SDAD1: variants seen among roughly 807,000 people sequenced by gnomAD.
SDAD1 encodes SDA1 domain containing 1.
Under a neutral mutation model 100.3 loss-of-function variants are expected in SDAD1, and 79 were observed. The observed-to-expected ratio is 0.79, with a 90% CI of 0.66 to 0.95. The LOEUF is 0.95. Ranked by LOEUF, SDAD1 falls within the 40% of genes least tolerant of loss-of-function variation. The pLI is 0.00. For missense variants in SDAD1, 790 were observed against 810.9 expected, an observed-to-expected ratio of 0.97 and a Z score of 0.31; for synonymous variants, 267 against 271.4, an observed-to-expected ratio of 0.98 and a Z score of 0.16.
intron 16 of SDAD1, among the ~76,000 whole-genome samples, chr4:75,960,481 G>C (rs1443106332): frequency 1.3e-5 from 2 of 152,156 alleles, no homozygotes; most frequent in Non-Finnish European, 2.9e-5. Context: ...TATAAAAAAT[G>C]CTGGTAACCA....
chr4:75,961,348 C>A (rs769315728), intron 14 of SDAD1, 40 bp from the exon 15 acceptor site: 3 of 1,433,134 alleles, frequency 2.1e-6, no homozygotes, highest in Non-Finnish European at 2.9e-6. Flanking sequence ...GCCCGAATAG[C>A]AATTTTTTCA....
At chr4:75,966,009 C>A (rs943904960) in intron 12 of SDAD1, among the ~76,000 whole-genome samples, 187 bp from the exon 13 acceptor site, 10 of 152,044 alleles carry the variant, frequency 6.6e-5, no homozygotes, top group African/African-American at 2.4e-4. Context: ...CAATAGCTGC[C>A]TTATCAAAAA....
chr4:75,959,115 A>C (rs4859576), intron 17 of SDAD1, among the ~76,000 whole-genome samples: 24,781 of 137,828 alleles, frequency 0.18, 3,116 homozygotes, highest in East Asian at 0.34. Context: ...AAAAAAAAAA[A>C]AAAAAAAAAA....
Position 75,965,788 on chromosome 4 carries a change from T to A in SDAD1, c.1080A>T (p.Ala360=). The A allele has an allele frequency of 2.5e-6, 4 of 1,613,874 alleles. No individual in the cohort carries two copies. Among genetic ancestry groups the A allele is most frequent in the Non-Finnish European group, 3.4e-6 (4 of 1,179,864 alleles). Residue 360 remains alanine (A), a synonymous_variant, in exon 13 of 22, where the codon GCA becomes GCT. Coordinates refer to ENST00000356260, the MANE Select transcript of SDAD1 (RefSeq NM_018115.4). ...CCTCTGGGGGTACTAGGTGATGAGA[T>A]GCTTGTGCAGCAAACAGAAGGATCT... The part of the protein sequence containing the change: ...VTKILLFAAQ[A]SHHLVPPEII...
chr4:75,990,758 G>C lies in SDAD1; in HGVS notation c.84C>G (p.Ile28Met), dbSNP rs1314455737. The change falls in exon 1 of 22, where the codon ATC becomes ATG. Residue 28 changes from isoleucine (I) to methionine (M), a missense_variant. Ile to Met is a conservative substitution (Grantham distance 10). Coordinates refer to ENST00000356260, the MANE Select transcript of SDAD1 (RefSeq NM_018115.4). The part of the protein sequence containing the change: ...NLIKRDPPAY[I>M]EEFLQQYNHY... ...TGCCGCGCCGCACTCCCACCTCCTCGATGTAGGCCGGCGGGTCTCGCTTGA... is the reference window on the plus strand; with the variant it reads ...TGCCGCGCCGCACTCCCACCTCCTCCATGTAGGCCGGCGGGTCTCGCTTGA... 3 of 1,614,010 alleles carry C rather than the reference G, an allele frequency of 1.9e-6. No homozygotes were observed. The highest frequency in any genetic ancestry group is 2.2e-5 in the South Asian group (2 of 91,086).
intron 21 of SDAD1, among the ~76,000 whole-genome samples, chr4:75,951,954 C>T (rs1016228413): frequency 3.9e-5 from 6 of 152,198 alleles, no homozygotes; most frequent in Admixed American, 1.3e-4. Flanking sequence ...AAAACAGTTT[C>T]GGGGTAGAAG....
intron 14 of SDAD1, 103 bp from the exon 15 acceptor site, chr4:75,961,411 T>C: frequency 1.2e-6 from 1 of 828,888 alleles, no homozygotes. Flanking sequence ...GGAAAACACG[T>C]TGAGTTTTAT....
At chr4:75,974,417 A>C (rs1414072404) in intron 6 of SDAD1, among the ~76,000 whole-genome samples, 1 of 152,028 alleles carries the variant, frequency 6.6e-6, no homozygotes, top group Non-Finnish European at 1.5e-5. Flanking sequence ...AAAAAAAAAA[A>C]AAACAACAAC....
In SDAD1 at chr4:75,970,370, T is replaced by C. The variant is rs140798592; in HGVS notation, c.822A>G (p.Lys274=). The stretch of plus-strand genomic sequence containing the variant: ...TAAACACCTCTGGTTTTTTCTTCTT[T>C]TTTTGTTTCTGAAAGGGAGAGGAAA... The part of the protein sequence containing the change: ...EKAMKVLKKQ[K]KKKKPEVFNF... Residue 274 remains lysine, a synonymous_variant, in exon 10 of 22, where the codon AAA becomes AAG. Transcript: ENST00000356260. 9.2e-5 allele frequency: 149 copies of C among 1,613,278 alleles called. No homozygotes were observed. The highest frequency in any genetic ancestry group is 1.2e-4 in the Non-Finnish European group (144 of 1,179,394).
chr4:75,965,832 T>G lies in SDAD1; in HGVS notation c.1046-10A>C. On this transcript the variant is annotated splice_polypyrimidine_tract_variant and intron_variant, in intron 12 of 21. Transcript: ENST00000356260. ...AGGATCTTGGTTACTTCTGAAAACATAAGAGAACAGAAAGGTCATGGTCAG... is the reference window on the plus strand; with the variant it reads ...AGGATCTTGGTTACTTCTGAAAACAGAAGAGAACAGAAAGGTCATGGTCAG... 1 of 1,612,428 alleles carries G rather than the reference T, an allele frequency of 6.2e-7. No homozygotes were observed. Among genetic ancestry groups the G allele is most frequent in the East Asian group, 2.2e-5 (1 of 44,832 alleles).
rs773910645 is a variant in SDAD1 at position 75,957,625 on chromosome 4, T to C, written c.1662A>G (p.Glu554=). The stretch of plus-strand genomic sequence containing the variant: ...GGGCCATGCGGATTTTCTGGAAGTC[T>C]TCCTGAGTTAAAACTCGGCTAGTGC... The part of the protein sequence containing the change: ...AISTSRVLTQ[E]DFQKIRMAQM... The change falls in exon 19 of 22, where the codon GAA becomes GAG. Residue 554 remains glutamate (E), a synonymous_variant. Coordinates refer to ENST00000356260, the MANE Select transcript of SDAD1 (RefSeq NM_018115.4). 2 of 1,614,236 alleles carry C rather than the reference T, an allele frequency of 1.2e-6. No homozygotes were observed. The highest frequency in any genetic ancestry group is 2.2e-5 in the South Asian group (2 of 91,082).
At chr4:75,974,273 G>A (rs769425875) in intron 6 of SDAD1, 140 bp from the exon 7 acceptor site, 21 of 696,356 alleles carry the variant, frequency 3.0e-5, no homozygotes, top group Non-Finnish European at 5.0e-5. Flanking sequence ...AAAAAGATAC[G>A]AGTTGCTAAA....
chr4:75,969,598 T>A (rs539857809), intron 10 of SDAD1, among the ~76,000 whole-genome samples, 199 bp from the exon 11 acceptor site: 92 of 152,326 alleles, frequency 6.0e-4, no homozygotes, highest in African/African-American at 2.0e-3. Flanking sequence ...GAGTGACTGT[T>A]TGACAGGTGC....
At chr4:75,984,778 A>AACACACACACACACACACAC (rs35320227) in intron 1 of SDAD1, among the ~76,000 whole-genome samples, 1,869 of 136,952 alleles carry the variant, frequency 0.014, 48 homozygotes, top group South Asian at 0.026. Flanking sequence ...CACACACACA[A>AACACACACACACACACACAC]ACACACACAC....
chr4:75,977,146 G>A (rs960918414), intron 4 of SDAD1, among the ~76,000 whole-genome samples: 3 of 152,106 alleles, frequency 2.0e-5, no homozygotes. Context: ...TCTTATATAA[G>A]CAAATGCAAA....
At chr4:75,984,609 C>T (rs566044594) in intron 1 of SDAD1, among the ~76,000 whole-genome samples, 1 of 152,256 alleles carries the variant, frequency 6.6e-6, no homozygotes, top group South Asian at 2.1e-4. Flanking sequence ...TACTAAGCTC[C>T]TTATGCACAT....
At chr4:75,964,015 A>G in intron 14 of SDAD1, 120 bp downstream of exon 14, 1 of 663,756 alleles carries the variant, frequency 1.5e-6, no homozygotes, top group Non-Finnish European at 2.6e-6. Context: ...AGACTGAAAT[A>G]TATTTTAAAC....
intron 20 of SDAD1, among the ~76,000 whole-genome samples, chr4:75,956,384 G>A (rs1728893029): frequency 4.1e-5 from 6 of 147,952 alleles, no homozygotes; most frequent in African/African-American, 7.4e-5. Flanking sequence ...TAGAAAGGGA[G>A]ACAGGTAGAC....
At chr4:75,980,124 A>T (rs1730413890) in intron 3 of SDAD1, among the ~76,000 whole-genome samples, 1 of 152,190 alleles carries the variant, frequency 6.6e-6, no homozygotes, top group African/African-American at 2.4e-5. Context: ...AATCTCTATG[A>T]CCTACAAGGA....
Sources: gnomAD v4.1 joint callset for allele counts (sites outside exome capture counted in the v4.1 genomes callset) on GRCh38, gnomAD v4.1.1 for gene constraint, MANE v1.5 for transcripts, NCBI Gene and HGNC (gene_info 2026-07-23, HGNC 2026-07-21) for gene names.